Variants in COL26A1 observed in about 807,000 individuals in gnomAD.
COL26A1 encodes collagen type XXVI alpha 1 chain.
In COL26A1, 41 loss-of-function variants were observed where a neutral mutation model predicts 59.3. The ratio of observed to expected loss-of-function variants is 0.69; its 90% CI spans 0.54 to 0.90. COL26A1 has a LOEUF of 0.90. COL26A1 is among the 40% of genes least tolerant of loss of function. The probability of loss-of-function intolerance (pLI) is 0.00; values close to 1 mark genes in which losing one functional copy is unlikely to be tolerated. For missense variants in COL26A1, 612 were observed against 602.3 expected (o/e 1.02, Z -0.17); for synonymous variants, 266 against 256.0 (o/e 1.04, Z -0.37).
chr7:101,454,760 G>C (rs146004712), intron 3 of COL26A1, among the ~76,000 whole-genome samples: 3,388 of 152,228 alleles, frequency 0.022, 65 homozygotes, highest in Non-Finnish European at 0.03. Context: ...TTACAGTGCT[G>C]TTGGCTGTGA....
chr7:101,376,280 G>C lies in COL26A1; in HGVS notation c.158+13090G>C, dbSNP rs574444597. ...TATGATTAAGTCACTGCACTCCAGT[G>C]TGGGTGACAGAGTGAGACCCTGTCT... On this transcript the variant is annotated intron_variant, in intron 1 of 12. Transcript: ENST00000313669. 3.3e-5 allele frequency among the ~76,000 whole-genome samples: 5 copies of C among 152,214 alleles called. No homozygotes were observed. In the East Asian group the frequency reaches 9.7e-4, roughly 29 times the overall value.
rs1794172304 is a variant in COL26A1, at chr7:101,482,249, C to T, written c.385+34462C>T. ...TCTCTAACTACTGACCTCAAGGGATCCACCTGCCTTGTCCTCCCAAAGTGC... is the reference window on the plus strand; with the variant it reads ...TCTCTAACTACTGACCTCAAGGGATTCACCTGCCTTGTCCTCCCAAAGTGC... On this transcript the variant is annotated intron_variant, in intron 3 of 12. Transcript: ENST00000313669. 2.0e-5 allele frequency among the ~76,000 whole-genome samples: 3 copies of T among 152,204 alleles called. No individual in the cohort carries two copies. The South Asian group carries it at 6.2e-4, about 32-fold the overall frequency.
At chr7:101,535,566 C>G (rs1795463847) in intron 4 of COL26A1, among the ~76,000 whole-genome samples, 1 of 152,214 alleles carries the variant, frequency 6.6e-6, no homozygotes, top group African/African-American at 2.4e-5. Flanking sequence ...GGCCCCAGCT[C>G]CATGGCCTCC....
At chr7:101,363,356 T>G (rs1185651559) in intron 1 of COL26A1, among the ~76,000 whole-genome samples, 166 bp downstream of exon 1, 1 of 65,934 alleles carries the variant, frequency 1.5e-5, no homozygotes, top group African/African-American at 5.9e-5. Flanking sequence ...ACCGGGCAGC[T>G]GGAACGAGAG....
chr7:101,422,803 C>G (rs1167098980), intron 2 of COL26A1, among the ~76,000 whole-genome samples: 1 of 152,092 alleles, frequency 6.6e-6, no homozygotes, highest in Non-Finnish European at 1.5e-5. Context: ...CCGTGCCTCA[C>G]TAATTACTTT....
chr7:101,554,281 C>T (rs1795921235), intron 11 of COL26A1, among the ~76,000 whole-genome samples: 1 of 151,766 alleles, frequency 6.6e-6, no homozygotes, highest in Non-Finnish European at 1.5e-5. Flanking sequence ...AGGGCCAGGG[C>T]GGGTCCAGGG....
At chr7:101,433,570 T>TG (rs1255652433) in intron 2 of COL26A1, among the ~76,000 whole-genome samples, 1 of 152,046 alleles carries the variant, frequency 6.6e-6, no homozygotes. Flanking sequence ...TCATTGGGTT[T>TG]GGGGTCACTG....
At chr7:101,372,127 G>C (rs1455718191) in intron 1 of COL26A1, among the ~76,000 whole-genome samples, 3 of 152,154 alleles carry the variant, frequency 2.0e-5, no homozygotes, top group African/African-American at 4.8e-5. Flanking sequence ...AAGGACGGGG[G>C]AGTTCCACAA....
At chr7:101,512,426 T>C (rs1173861972) in intron 3 of COL26A1, among the ~76,000 whole-genome samples, 1 of 151,778 alleles carries the variant, frequency 6.6e-6, no homozygotes, top group Admixed American at 6.6e-5. Flanking sequence ...CGAGATGAGC[T>C]TGGGCAACAT....
At chr7:101,520,314 A>G (rs963665133) in intron 3 of COL26A1, among the ~76,000 whole-genome samples, 1 of 152,252 alleles carries the variant, frequency 6.6e-6, no homozygotes, top group South Asian at 2.1e-4. Flanking sequence ...GACGGTGCAG[A>G]ACACAGGGTC....
At chr7:101,480,729 T>C (rs1335330430) in intron 3 of COL26A1, among the ~76,000 whole-genome samples, 2 of 152,142 alleles carry the variant, frequency 1.3e-5, no homozygotes, top group Non-Finnish European at 2.9e-5. Flanking sequence ...TCTCGAACTC[T>C]TGGGCTCAAG....
chr7:101,433,682 C>A (rs1175032093), intron 2 of COL26A1, among the ~76,000 whole-genome samples: 2 of 152,022 alleles, frequency 1.3e-5, no homozygotes, highest in Non-Finnish European at 2.9e-5. Flanking sequence ...GAAAGGACAG[C>A]TGCAGGGACC....
chr7:101,436,588 G>A (rs531137284), intron 2 of COL26A1, among the ~76,000 whole-genome samples: 28 of 152,154 alleles, frequency 1.8e-4, no homozygotes, highest in African/African-American at 6.5e-4. Context: ...ATGTCCCCCC[G>A]CACCCGAGGC....
At chr7:101,521,881 C>G (rs368832603) in intron 3 of COL26A1, among the ~76,000 whole-genome samples, 15 of 152,190 alleles carry the variant, frequency 9.9e-5, no homozygotes, top group African/African-American at 3.6e-4. Flanking sequence ...ACAGTAGGTA[C>G]TTGTTTGAGT....
At chr7:101,462,034 C>G (rs1793626820) in intron 3 of COL26A1, among the ~76,000 whole-genome samples, 1 of 141,176 alleles carries the variant, frequency 7.1e-6, no homozygotes, top group Admixed American at 7.5e-5. Context: ...AAGTCTTGCT[C>G]TGTTACCCAG....
intron 10 of COL26A1, 80 bp downstream of exon 10, chr7:101,551,223 G>T: frequency 2.9e-6 from 3 of 1,049,916 alleles, no homozygotes; most frequent in Admixed American, 2.2e-5. Flanking sequence ...TGGGTGGCGG[G>T]GGTTGGTGGG....
intron 2 of COL26A1, among the ~76,000 whole-genome samples, chr7:101,430,334 A>G (rs1792749449): frequency 6.6e-6 from 1 of 151,830 alleles, no homozygotes; most frequent in South Asian, 2.1e-4. Flanking sequence ...CCCAGGCTGG[A>G]GTGCAGTGTA....
chr7:101,377,167 T>G (rs1292440482), intron 1 of COL26A1, among the ~76,000 whole-genome samples: 1 of 151,284 alleles, frequency 6.6e-6, no homozygotes, highest in Non-Finnish European at 1.5e-5. Context: ...CCTTCTTTTC[T>G]TTTTTCTTTT....
At chr7:101,547,483 T>G (rs546073577) in intron 8 of COL26A1, among the ~76,000 whole-genome samples, 69 of 152,346 alleles carry the variant, frequency 4.5e-4, no homozygotes, top group African/African-American at 1.6e-3. Flanking sequence ...GATGCCTGCA[T>G]GAGGCTGCCC....
Sources: gnomAD v4.1 joint callset for allele counts (sites outside exome capture counted in the v4.1 genomes callset) on GRCh38, gnomAD v4.1.1 for gene constraint, MANE v1.5 for transcripts, NCBI Gene and HGNC (gene_info 2026-07-23, HGNC 2026-07-21) for gene names.